Variants in FNTB observed in about 807,000 individuals in gnomAD.
FNTB encodes protein farnesyltransferase subunit beta.
In FNTB, 27 loss-of-function variants were observed where a neutral mutation model predicts 59.4. That is an observed-to-expected ratio of 0.45 (90% CI 0.34 to 0.63). The LOEUF (loss-of-function observed/expected upper bound fraction) is 0.63. Ranked by LOEUF, FNTB falls within the 20% of genes least tolerant of loss-of-function variation. The pLI is 0.02. For missense variants in FNTB, 449 were observed against 559.6 expected (o/e 0.80, Z 1.99); for synonymous variants, 230 against 220.7 (o/e 1.04, Z -0.37).
rs1359609433 is a variant in FNTB, at chr14:65,027,058, C to G, written c.375-395C>G. ...ACCATGTTTTGGCAAAATTCAAAGGCTGGGAGGTTCCCAAAGGCAAGGAGG... is the reference window on the plus strand; with the variant it reads ...ACCATGTTTTGGCAAAATTCAAAGGGTGGGAGGTTCCCAAAGGCAAGGAGG... On this transcript the variant is annotated intron_variant, in intron 4 of 11. Coordinates refer to ENST00000246166, the MANE Select transcript of FNTB (RefSeq NM_002028.4). This position sits in a 1 kb window ranked among gnomAD's most constrained non-coding sequence, Gnocchi z 5.7. Among the ~76,000 whole-genome samples the G allele has an allele frequency of 1.3e-5, 2 of 152,040 alleles. No homozygotes were observed. The highest frequency in any genetic ancestry group is 4.8e-5 in the African/African-American group (2 of 41,398).
chr14:64,987,245 G>A (rs1306790107), intron 1 of FNTB, 148 bp downstream of exon 1: 4 of 959,836 alleles, frequency 4.2e-6, no homozygotes, highest in Non-Finnish European at 6.1e-6. Context: ...AGCTCCGGGC[G>A]CCCAGGCTTG....
Position 65,044,133 on chromosome 14 carries a change from T to C in FNTB, c.823-178T>C, listed in dbSNP as rs1322769173. Among the ~76,000 whole-genome samples the C allele has an allele frequency of 6.6e-6, 1 of 152,144 alleles. No homozygotes were observed. Among genetic ancestry groups the C allele is most frequent in the African/African-American group, 2.4e-5 (1 of 41,422 alleles). On this transcript the variant is annotated intron_variant, in intron 8 of 11. Transcript: ENST00000246166. The surrounding 1 kb of genome is among the most constrained non-coding windows in gnomAD (Gnocchi z 5.5). ...TACAGCGTTGGCTTAAATGCTTCACTCTGTGTCTATGGCAGTGTGGGGAGG... is the reference window on the plus strand; with the variant it reads ...TACAGCGTTGGCTTAAATGCTTCACCCTGTGTCTATGGCAGTGTGGGGAGG...
chr14:65,007,579 A>G lies in FNTB; in HGVS notation c.209+3266A>G, dbSNP rs1010932153. Among the ~76,000 whole-genome samples, 1 of 152,152 alleles carries G rather than the reference A, an allele frequency of 6.6e-6. No individual in the cohort carries two copies. Among genetic ancestry groups the G allele is most frequent in the Admixed American group, 6.5e-5 (1 of 15,282 alleles). ...TTCTATACTTAATCCCCTTCCCAGA[A>G]ATGATTTTCTTCTCTAAGGTTGGGA... On this transcript the variant is annotated intron_variant, in intron 2 of 11. Transcript: ENST00000246166. This position sits in a 1 kb window ranked among gnomAD's most constrained non-coding sequence, Gnocchi z 4.9.
intron 9 of FNTB, among the ~76,000 whole-genome samples, chr14:65,051,683 A>G (rs2062614662): frequency 6.6e-6 from 1 of 152,002 alleles, no homozygotes; most frequent in South Asian, 2.1e-4. Flanking sequence ...ACTGTATCAT[A>G]AACTTTTCAT....
At chr14:64,993,958 C>T (rs1047812133) in intron 1 of FNTB, among the ~76,000 whole-genome samples, 8 of 151,850 alleles carry the variant, frequency 5.3e-5, no homozygotes, top group South Asian at 2.1e-4. Flanking sequence ...TGGGTTCAAG[C>T]GATTCTCCTG....
intron 11 of FNTB, among the ~76,000 whole-genome samples, chr14:65,055,715 C>T (rs2062721229): frequency 6.6e-6 from 1 of 152,082 alleles, no homozygotes; most frequent in East Asian, 1.9e-4. Flanking sequence ...CAGGGTTTCC[C>T]CATGTTGGCC....
rs1336445449 is a variant in FNTB at position 65,044,015 on chromosome 14, C to T, written c.823-296C>T. On this transcript the variant is annotated intron_variant, in intron 8 of 11. Transcript: ENST00000246166. This position sits in a 1 kb window ranked among gnomAD's most constrained non-coding sequence, Gnocchi z 5.5. ...AAGGTCTCCTTACAAACCAGCTTGG[C>T]CTCTTTATCTTCTCAGCACTGGCAC... is the stretch of plus-strand genomic sequence containing the variant. 6.6e-6 allele frequency among the ~76,000 whole-genome samples: 1 copy of T among 152,162 alleles called. No individual in the cohort carries two copies. Among genetic ancestry groups the T allele is most frequent in the Non-Finnish European group, 1.5e-5 (1 of 68,024 alleles).
Position 65,012,042 on chromosome 14 carries a change from T to C in FNTB, c.210-275T>C. The C allele has an allele frequency of 2.8e-6, 1 of 363,284 alleles. No individual in the cohort carries two copies. Among genetic ancestry groups the C allele is most frequent in the Non-Finnish European group, 5.3e-6 (1 of 189,882 alleles). 22.5% of individuals were successfully genotyped at this position (363,284 alleles called of 1,614,324 possible). A position where few individuals can be genotyped will look rare whatever the true frequency, so the allele number is the denominator to read the frequency against. ...TGGCTGCGTGTGCTCATTGCGGCTT[T>C]TCCGTTAGCCCAAAGTCACTGCCTT... On this transcript the variant is annotated intron_variant, in intron 2 of 11. Coordinates refer to ENST00000246166, the MANE Select transcript of FNTB (RefSeq NM_002028.4). The surrounding 1 kb of genome is among the most constrained non-coding windows in gnomAD (Gnocchi z 5.0).
chr14:65,053,283 C>A lies in FNTB; in HGVS notation c.1001C>A (p.Ala334Asp). The change falls in exon 10 of 12, where the codon GCC (alanine) becomes GAC (aspartate). Residue 334 changes from alanine (A) to aspartate (D), a missense_variant. Physicochemically the swap from Ala to Asp is moderately radical, Grantham distance 126. Coordinates refer to ENST00000246166, the MANE Select transcript of FNTB (RefSeq NM_002028.4). ...AGCCACTGGATGTTCCATCAGCAGG[C>A]CCTGCAGGAGTACATCCTGATGTGC... Reference protein sequence around the residue: ...SMSHWMFHQQALQEYILMCCQ... With the variant: ...SMSHWMFHQQDLQEYILMCCQ... 6.8e-7 allele frequency: 1 copy of A among 1,466,018 alleles called. No homozygotes were observed. The highest frequency in any genetic ancestry group is 1.4e-5 in the South Asian group (1 of 68,992). 90.8% of individuals were successfully genotyped at this position (1,466,018 alleles called of 1,614,324 possible).
At position 65,061,105 on chromosome 14, in the gene FNTB, T is replaced by C. The variant is rs986604701; in HGVS notation, c.1183-76T>C. On this transcript the variant is annotated intron_variant, in intron 11 of 11. Coordinates refer to ENST00000246166, the MANE Select transcript of FNTB (RefSeq NM_002028.4). The stretch of plus-strand genomic sequence containing the variant: ...TTATACTAAATTCTTAGAAGTGCCT[T>C]TCATGGAGCAAAGGATGTGTTATGT... 41 of 1,571,416 alleles carry C rather than the reference T, an allele frequency of 2.6e-5. No homozygotes were observed. In the African/African-American group the frequency reaches 4.8e-4, roughly 18 times the overall value.
Position 65,012,407 on chromosome 14 carries a change from G to T in FNTB, c.282+18G>T. On this transcript the variant is annotated intron_variant, in intron 3 of 11. Transcript: ENST00000246166. The surrounding 1 kb of genome is among the most constrained non-coding windows in gnomAD (Gnocchi z 5.0). ...CCTATGAGGTAAACACATTACCCAG[G>T]AACTCTTGCTGTCAAATTATCCACC... is the stretch of plus-strand genomic sequence containing the variant. 6.2e-7 allele frequency: 1 copy of T among 1,613,914 alleles called. No homozygotes were observed. Among genetic ancestry groups the T allele is most frequent in the Non-Finnish European group, 8.5e-7 (1 of 1,179,858 alleles).
Position 65,032,480 on chromosome 14 carries a change from G to T in FNTB, c.606-130G>T, listed in dbSNP as rs565990028. 12 of 877,758 alleles carry T rather than the reference G, an allele frequency of 1.4e-5. No homozygotes were observed. The South Asian group carries it at 2.1e-4, about 16-fold the overall frequency. The allele number at this position is 877,758 out of a possible 1,614,324, so 54.4% of individuals were successfully genotyped here. A position where few individuals can be genotyped will look rare whatever the true frequency, so the allele number is the denominator to read the frequency against. On this transcript the variant is annotated intron_variant, in intron 6 of 11. Coordinates refer to ENST00000246166, the MANE Select transcript of FNTB (RefSeq NM_002028.4). The surrounding 1 kb of genome is among the most constrained non-coding windows in gnomAD (Gnocchi z 5.0). Reference sequence around the variant, plus strand: ...AGTTGGAGACCCAGGAGGACTGACCGTGTGCCAAGAGTGAGGACAGGAGGT... The same window carrying T: ...AGTTGGAGACCCAGGAGGACTGACCTTGTGCCAAGAGTGAGGACAGGAGGT...
chr14:65,014,978 TAGC>T lies in FNTB; in HGVS notation c.283-643_283-641del, dbSNP rs1470648305. Among the ~76,000 whole-genome samples the T allele has an allele frequency of 1.3e-5, 2 of 152,162 alleles. No individual in the cohort carries two copies. Among genetic ancestry groups the T allele is most frequent in the South Asian group, 2.1e-4 (1 of 4,812 alleles). ...TCTCCTTGGTTCTATACCGAGAAAATAGCAGCCCCTAACCTCCTGGCCTGTAGG... is the reference window on the plus strand; with the variant it reads ...TCTCCTTGGTTCTATACCGAGAAAATAGCCCCTAACCTCCTGGCCTGTAGG... On this transcript the variant is annotated intron_variant, in intron 3 of 11. Coordinates refer to ENST00000246166, the MANE Select transcript of FNTB (RefSeq NM_002028.4). This position sits in a 1 kb window ranked among gnomAD's most constrained non-coding sequence, Gnocchi z 5.1.
At chr14:64,993,824 T>A (rs1196638844) in intron 1 of FNTB, among the ~76,000 whole-genome samples, 2 of 152,050 alleles carry the variant, frequency 1.3e-5, no homozygotes, top group Non-Finnish European at 2.9e-5. Context: ...TCTCTGCTTT[T>A]ATTGATTGGA....
rs372687079 is a variant in FNTB at position 65,044,358 on chromosome 14, C to G, written c.870C>G (p.Gly290=). The G allele has an allele frequency of 4.2e-5, 67 of 1,613,484 alleles. No homozygotes were observed. The South Asian group carries it at 6.4e-4, about 15-fold the overall frequency. The change falls in exon 9 of 12, where the codon GGC becomes GGG. Residue 290 remains glycine (G), a synonymous_variant. Transcript: ENST00000246166. This position sits in a 1 kb window ranked among gnomAD's most constrained non-coding sequence, Gnocchi z 5.5. The part of the protein sequence containing the change: ...RQMRFEGGFQ[G]RCNKLVDGCY... The stretch of plus-strand genomic sequence containing the variant: ...TGCGATTTGAAGGAGGATTTCAGGG[C>G]CGCTGCAACAAGCTGGTGGATGGCT...
Position 65,061,306 on chromosome 14 carries a change from C to T in FNTB, c.1308C>T (p.Thr436=), listed in dbSNP as rs556849979. ...ATGAGACATCGGCAGAGCCTGCAACCGACTAGAGGACCTGGGTCCCGGCAG... is the reference window on the plus strand; with the variant it reads ...ATGAGACATCGGCAGAGCCTGCAACTGACTAGAGGACCTGGGTCCCGGCAG... ...LKDETSAEPA[T]D is the part of the protein sequence containing the mutation. The change falls in exon 12 of 12, where the codon ACC becomes ACT. Residue 436 remains threonine (T), a synonymous_variant. Transcript: ENST00000246166. 1.1e-5 allele frequency: 17 copies of T among 1,613,764 alleles called. No individual in the cohort carries two copies. The highest frequency in any genetic ancestry group is 9.9e-5 in the South Asian group (9 of 91,054).
At position 65,062,367 on chromosome 14, in the gene FNTB, T is replaced by C. The variant is rs888362775; in HGVS notation, c.*1055T>C. On this transcript the variant is annotated 3_prime_UTR_variant, in exon 12 of 12. Coordinates refer to ENST00000246166, the MANE Select transcript of FNTB (RefSeq NM_002028.4). The surrounding 1 kb of genome is among the most constrained non-coding windows in gnomAD (Gnocchi z 4.3). ...CTACTAAGGCACTAGCCTCTGTAGC[T>C]GGTGGTGGCAGCGTGGGGTGCCGCC... The C allele has an allele frequency of 1.3e-5, 2 of 152,542 alleles. No individual in the cohort carries two copies. Among genetic ancestry groups the C allele is most frequent in the African/African-American group, 4.8e-5 (2 of 41,472 alleles). 9.4% of individuals were successfully genotyped at this position (152,542 alleles called of 1,614,324 possible). A position where few individuals can be genotyped will look rare whatever the true frequency, so the allele number is the denominator to read the frequency against.
chr14:65,058,387 T>G (rs2062790210), intron 11 of FNTB, among the ~76,000 whole-genome samples: 1 of 152,146 alleles, frequency 6.6e-6, no homozygotes, highest in African/African-American at 2.4e-5. Flanking sequence ...TATTTATAAA[T>G]CTTGTGTCCA....
chr14:65,000,824 A>AT, intron 1 of FNTB, among the ~76,000 whole-genome samples: 1 of 124,716 alleles, frequency 8.0e-6, no homozygotes, highest in Non-Finnish European at 1.7e-5. Context: ...TCAAAAAAAA[A>AT]AAAAAAAAAA....
Sources: allele counts gnomAD v4.1 joint callset (sites outside exome capture counted in the v4.1 genomes callset), GRCh38; gene constraint gnomAD v4.1.1; non-coding constraint Gnocchi (gnomAD v3.1); transcripts MANE v1.5; gene names NCBI Gene and HGNC (gene_info 2026-07-23, HGNC 2026-07-21).